LRP2BP: variants seen among roughly 807,000 people sequenced by gnomAD.
LRP2BP encodes the protein LRP2 binding protein, also known as LRP2-binding protein.
Under a neutral mutation model 45.2 loss-of-function variants are expected in LRP2BP, and 38 were observed. The ratio of observed to expected loss-of-function variants is 0.84; its 90% CI spans 0.65 to 1.10. LRP2BP has a LOEUF of 1.10. Among genes scored for constraint, LRP2BP ranks in the 50% least tolerant of loss-of-function variants. The pLI is 0.00. For missense variants in LRP2BP, 385 were observed against 418.9 expected, an observed-to-expected ratio of 0.92 and a Z score of 0.71; for synonymous variants, 153 against 153.9, an observed-to-expected ratio of 0.99 and a Z score of 0.04.
upstream of LRP2BP, chr4:185,396,844 C>G (rs371823357): frequency 6.8e-7 from 1 of 1,472,328 alleles, no homozygotes; most frequent in South Asian, 1.1e-5. Flanking sequence ...CCAGCCTGCG[C>G]ATTCTTACCT....
intron 4 of LRP2BP, 26 bp from the exon 5 acceptor site, chr4:185,374,487 A>C (rs764833601): frequency 2.5e-6 from 4 of 1,602,866 alleles, no homozygotes; most frequent in Admixed American, 1.7e-5. Context: ...GAGCAAAAAA[A>C]CCCTAGTTTT....
intron 4 of LRP2BP, among the ~76,000 whole-genome samples, chr4:185,375,391 G>A (rs2095429809): frequency 7.2e-6 from 1 of 139,348 alleles, no homozygotes; most frequent in South Asian, 2.4e-4. Context: ...GGGAAGCAGA[G>A]GTTGCAGTGA....
At chr4:185,388,353 A>C (rs1238610817) in intron 1 of LRP2BP, among the ~76,000 whole-genome samples, 1 of 141,136 alleles carries the variant, frequency 7.1e-6, no homozygotes, top group Non-Finnish European at 1.5e-5. Context: ...CCTTTGATAT[A>C]GCCATGTCCC....
At chr4:185,386,750 G>A (rs751141337) in intron 1 of LRP2BP, among the ~76,000 whole-genome samples, 2 of 152,182 alleles carry the variant, frequency 1.3e-5, no homozygotes, top group African/African-American at 2.4e-5. Context: ...TGTAAACGGA[G>A]GAGTCAGTAG....
chr4:185,371,364 C>A (rs985795221), intron 7 of LRP2BP, among the ~76,000 whole-genome samples: 13 of 151,788 alleles, frequency 8.6e-5, no homozygotes, highest in East Asian at 3.9e-4. Context: ...ATGGTGAAAC[C>A]CCGTCTCTAC....
intron 7 of LRP2BP, 96 bp downstream of exon 7, chr4:185,372,760 G>T: frequency 9.5e-7 from 1 of 1,047,230 alleles, no homozygotes; most frequent in African/African-American, 1.6e-5. Flanking sequence ...CCCTCTCCTG[G>T]CCTCTGGAAC....
chr4:185,378,600 C>T, intron 1 of LRP2BP: 6 of 995,840 alleles, frequency 6.0e-6, no homozygotes, highest in Non-Finnish European at 7.2e-6. Context: ...AACTGACACT[C>T]ATCGGACGAA....
chr4:185,379,020 T>A, intron 1 of LRP2BP: 1 of 971,726 alleles, frequency 1.0e-6, no homozygotes, highest in Non-Finnish European at 1.2e-6. Context: ...ATAAATTGCT[T>A]AAGTGAGAAT....
In LRP2BP at chr4:185,367,012, T is replaced by A; in HGVS notation, c.*168A>T. On this transcript the variant is annotated 3_prime_UTR_variant, in exon 9 of 9. Coordinates refer to ENST00000505916, the MANE Select transcript of LRP2BP (RefSeq NM_001377440.1). ...TTTGACCTTGTGTCTAGGTTTCAAGTTGCAAAACTTAACAGCGTACGAATT... is the reference window on the plus strand; with the variant it reads ...TTTGACCTTGTGTCTAGGTTTCAAGATGCAAAACTTAACAGCGTACGAATT... The A allele has an allele frequency of 1.6e-6, 1 of 612,488 alleles. No homozygotes were observed. Among genetic ancestry groups the A allele is most frequent in the African/African-American group, 1.8e-5 (1 of 54,446 alleles). The allele number at this position is 612,488 out of a possible 1,614,324, so 37.9% of individuals were successfully genotyped here.
At chr4:185,374,021 A>G (rs17884285) in intron 6 of LRP2BP, 114 bp downstream of exon 6, 42,163 of 830,220 alleles carry the variant, frequency 0.051, 1,310 homozygotes, top group South Asian at 0.088. Context: ...CTTTACATTT[A>G]AAGGAACTAT....
intron 1 of LRP2BP, among the ~76,000 whole-genome samples, chr4:185,386,994 C>G (rs934423358): frequency 6.6e-6 from 1 of 152,136 alleles, no homozygotes; most frequent in Admixed American, 6.5e-5. Context: ...GCCTGTAATC[C>G]CAGCACTTTG....
In LRP2BP at chr4:185,381,885, C is replaced by T. The variant is rs2095456907; in HGVS notation, c.-21-3678G>A. Among the ~76,000 whole-genome samples the T allele has an allele frequency of 2.6e-5, 4 of 152,296 alleles. No individual in the cohort carries two copies. The South Asian group carries it at 6.2e-4, about 24-fold the overall frequency. ...TTTTTACAAATTGATATATAATTCA[C>T]ATACCATAAAATTCACCCTTTTAAA... On this transcript the variant is annotated intron_variant, in intron 1 of 8. Coordinates refer to ENST00000505916, the MANE Select transcript of LRP2BP (RefSeq NM_001377440.1).
In LRP2BP at chr4:185,395,166, A is replaced by AT. The variant is rs1343907943; in HGVS notation, c.-410_-409insA. On this transcript the variant is annotated 5_prime_UTR_variant, in exon 1 of 9. It adds an upstream start codon to the 5' untranslated region. Coordinates refer to ENST00000505916, the MANE Select transcript of LRP2BP (RefSeq NM_001377440.1). The stretch of plus-strand genomic sequence containing the variant: ...GGGAGAAAAGCTGTAACGACTCCCC[A>AT]AATTTCCTTTCCTTATGAAATTTAC... 1.7e-5 allele frequency: 17 copies of AT among 985,324 alleles called. No individual in the cohort carries two copies. Among genetic ancestry groups the AT allele is most frequent in the Non-Finnish European group, 1.9e-5 (16 of 829,938 alleles). The allele number at this position is 985,324 out of a possible 1,614,324, so 61.0% of individuals were successfully genotyped here.
chr4:185,396,594 G>T, upstream of LRP2BP: 1 of 342,540 alleles, frequency 2.9e-6, no homozygotes, highest in Non-Finnish European at 5.3e-6. Context: ...GCCCCGAGGT[G>T]GGAGGGCCTG....
intron 4 of LRP2BP, among the ~76,000 whole-genome samples, chr4:185,374,963 A>G (rs1481711999): frequency 6.6e-6 from 1 of 152,122 alleles, no homozygotes; most frequent in African/African-American, 2.4e-5. Context: ...ATGCACTAAT[A>G]CGACATCTGC....
In LRP2BP at chr4:185,395,537, TAA is replaced by T; in HGVS notation, c.-782_-781del. On this transcript the variant is annotated 5_prime_UTR_variant, in exon 1 of 9. Transcript: ENST00000505916. ...TACACTGCCGTTCTTTAAACATCAT[TAA>T]AAGATATTGTGAATAGTTTAAATAT... 1.0e-6 allele frequency: 1 copy of T among 984,398 alleles called. No homozygotes were observed. The highest frequency in any genetic ancestry group is 1.2e-6 in the Non-Finnish European group (1 of 829,072). 61.0% of individuals were successfully genotyped at this position (984,398 alleles called of 1,614,324 possible).
At chr4:185,396,840 T>G, upstream of LRP2BP, 1 of 1,448,998 alleles carries the variant, frequency 6.9e-7, no homozygotes, top group Non-Finnish European at 9.6e-7. Flanking sequence ...AGGGCCAGCC[T>G]GCGCATTCTT....
upstream of LRP2BP, chr4:185,397,143 C>T (rs766349305): frequency 2.5e-6 from 4 of 1,613,054 alleles, no homozygotes; most frequent in Admixed American, 1.7e-5. Context: ...CTGTTCTCTT[C>T]CTGCAGGTGG....
intron 7 of LRP2BP, among the ~76,000 whole-genome samples, chr4:185,372,490 A>C (rs2095419276): frequency 6.6e-6 from 1 of 152,254 alleles, no homozygotes; most frequent in Non-Finnish European, 1.5e-5. Context: ...GATTTGGCAT[A>C]GAACATGTAG....
Sources: gnomAD v4.1 joint callset for allele counts (sites outside exome capture counted in the v4.1 genomes callset) on GRCh38, gnomAD v4.1.1 for gene constraint, MANE v1.5 for transcripts, NCBI Gene and HGNC (gene_info 2026-07-23, HGNC 2026-07-21) for gene names.